PRKAG2: variants seen among roughly 807,000 people sequenced by gnomAD.
The protein encoded by PRKAG2 is protein kinase AMP-activated non-catalytic subunit gamma 2.
A neutral mutation model predicts 69.6 loss-of-function variants in PRKAG2; 26 were observed. The observed-to-expected ratio is 0.37, with a 90% CI of 0.27 to 0.52. The LOEUF is 0.52. Ranked by LOEUF, PRKAG2 falls within the 20% of genes least tolerant of loss-of-function variation. PRKAG2 has a pLI of 0.90. For missense variants in PRKAG2, 557 were observed against 740.0 expected (o/e 0.75, Z 2.87); for synonymous variants, 293 against 285.0 (o/e 1.03, Z -0.28).
intron 3 of PRKAG2, among the ~76,000 whole-genome samples, chr7:151,715,892 C>T (rs11980120): frequency 0.032 from 4,930 of 152,210 alleles, 176 homozygotes; most frequent in African/African-American, 0.091. Context: ...GCTCACAGGG[C>T]GGCGGTCCCA....
chr7:151,701,598 C>T (rs1837693546), intron 3 of PRKAG2, among the ~76,000 whole-genome samples: 1 of 152,104 alleles, frequency 6.6e-6, no homozygotes, highest in Admixed American at 6.5e-5. Context: ...AATCCCAGCA[C>T]TTTGGGAGGC....
At chr7:151,682,219 A>G (rs1833984506) in intron 3 of PRKAG2, among the ~76,000 whole-genome samples, 1 of 152,170 alleles carries the variant, frequency 6.6e-6, no homozygotes, top group Non-Finnish European at 1.5e-5. Flanking sequence ...AATAAAAGGG[A>G]AAATGGGCAA....
At chr7:151,865,265 T>C (rs2151909397) in intron 1 of PRKAG2, among the ~76,000 whole-genome samples, 1 of 152,332 alleles carries the variant, frequency 6.6e-6, no homozygotes, top group South Asian at 2.1e-4. Flanking sequence ...GCGGCTCGGC[T>C]GGCATGGAGC....
At position 151,841,461 on chromosome 7, in the gene PRKAG2, AGTAGTGATGGTAGGTAATGATGATG is replaced by A. The variant is rs1207419473; in HGVS notation, c.114+35021_114+35045del. ...GATAGTAGGTAGGGATGGTAGTGAT[AGTAGTGATGGTAGGTAATGATGATG>A]GTAGTGATGGTAGGTTGGGATGGTA... is the stretch of plus-strand genomic sequence containing the variant. On this transcript the variant is annotated intron_variant, in intron 1 of 15. Coordinates refer to ENST00000287878, the MANE Select transcript of PRKAG2 (RefSeq NM_016203.4). Among the ~76,000 whole-genome samples, 168 of 132,280 alleles carry A rather than the reference AGTAGTGATGGTAGGTAATGATGATG, an allele frequency of 1.3e-3. 5 individuals carry two copies. The South Asian group carries it at 0.034, about 27-fold the overall frequency. The allele number at this position is 132,280 out of a possible 152,430, so 86.8% of individuals were successfully genotyped here.
chr7:151,875,701 G>C (rs988825322), intron 1 of PRKAG2, among the ~76,000 whole-genome samples: 11 of 151,680 alleles, frequency 7.3e-5, no homozygotes, highest in African/African-American at 2.7e-4. Context: ...ACGTGGAGGC[G>C]AGGAACAGTG....
chr7:151,764,415 C>G (rs899110592), intron 3 of PRKAG2, among the ~76,000 whole-genome samples: 1 of 152,144 alleles, frequency 6.6e-6, no homozygotes, highest in African/African-American at 2.4e-5. Flanking sequence ...GCTATTTGTC[C>G]TTTAAGCTAA....
At chr7:151,701,484 C>G (rs762569741) in intron 3 of PRKAG2, among the ~76,000 whole-genome samples, 2 of 152,110 alleles carry the variant, frequency 1.3e-5, no homozygotes, top group Non-Finnish European at 2.9e-5. Context: ...GAGGAGGAAA[C>G]GTGGACACAG....
intron 1 of PRKAG2, among the ~76,000 whole-genome samples, chr7:151,820,811 C>T (rs944687982): frequency 6.6e-6 from 1 of 152,260 alleles, no homozygotes; most frequent in African/African-American, 2.4e-5. Flanking sequence ...CTTTCCTCTT[C>T]CATTTTTTAA....
chr7:151,870,937 C>T (rs1298581497), intron 1 of PRKAG2, among the ~76,000 whole-genome samples: 2 of 152,322 alleles, frequency 1.3e-5, no homozygotes, highest in South Asian at 4.1e-4. Flanking sequence ...AGCACCTCTC[C>T]CCAGAGGGCC....
intron 3 of PRKAG2, among the ~76,000 whole-genome samples, chr7:151,695,573 C>T (rs1430417469): frequency 6.6e-6 from 1 of 152,180 alleles, no homozygotes; most frequent in African/African-American, 2.4e-5. Flanking sequence ...CATCCCTGCC[C>T]TCTTTCAACT....
chr7:151,664,076 C>T (rs1235640602), intron 4 of PRKAG2, among the ~76,000 whole-genome samples: 1 of 152,194 alleles, frequency 6.6e-6, no homozygotes, highest in African/African-American at 2.4e-5. Context: ...AGACTTGACC[C>T]ATGAGACACC....
chr7:151,872,427 C>T (rs2080239529), intron 1 of PRKAG2, among the ~76,000 whole-genome samples: 1 of 152,188 alleles, frequency 6.6e-6, no homozygotes, highest in Non-Finnish European at 1.5e-5. Flanking sequence ...AGTTCAGGTC[C>T]CCCCAGAAAA....
Position 151,836,145 on chromosome 7 carries a change from C to T in PRKAG2, c.114+40362G>A, listed in dbSNP as rs780837562. Among the ~76,000 whole-genome samples the T allele has an allele frequency of 2.6e-5, 4 of 152,218 alleles. No homozygotes were observed. In the South Asian group the frequency reaches 6.2e-4, roughly 24 times the overall value. On this transcript the variant is annotated intron_variant, in intron 1 of 15. Coordinates refer to ENST00000287878, the MANE Select transcript of PRKAG2 (RefSeq NM_016203.4). The surrounding 1 kb of genome is among the most constrained non-coding windows in gnomAD (Gnocchi z 4.1). Reference sequence around the variant, plus strand: ...CTTCCCATATCCTGAGTTTTGTCTTCGGCCGTGTCTTTGGAGCATTCCTTC... The same window carrying T: ...CTTCCCATATCCTGAGTTTTGTCTTTGGCCGTGTCTTTGGAGCATTCCTTC...
intron 3 of PRKAG2, among the ~76,000 whole-genome samples, chr7:151,676,139 G>T (rs779615839): frequency 2.0e-5 from 3 of 151,752 alleles, no homozygotes; most frequent in Non-Finnish European, 4.4e-5. Flanking sequence ...AAGAGCAAAC[G>T]CAGTGGTGCC....
At chr7:151,712,302 T>C (rs7798168) in intron 3 of PRKAG2, among the ~76,000 whole-genome samples, 5,783 of 152,190 alleles carry the variant, frequency 0.038, 380 homozygotes, top group African/African-American at 0.13. Flanking sequence ...GGAAGGGGCC[T>C]GGCACCCAAA....
intron 3 of PRKAG2, among the ~76,000 whole-genome samples, chr7:151,703,963 G>A (rs1201765736): frequency 6.6e-6 from 1 of 151,242 alleles, no homozygotes; most frequent in Admixed American, 6.6e-5. Flanking sequence ...TCAGGCGGCT[G>A]AGGCAGGAGA....
intron 3 of PRKAG2, among the ~76,000 whole-genome samples, chr7:151,768,878 C>T (rs569474061): frequency 6.6e-6 from 1 of 152,238 alleles, no homozygotes; most frequent in African/African-American, 2.4e-5. Flanking sequence ...TAGCCTTGCT[C>T]TTTCTTCCCA....
intron 3 of PRKAG2, among the ~76,000 whole-genome samples, chr7:151,688,206 G>A (rs1237385296): frequency 6.6e-6 from 1 of 152,170 alleles, no homozygotes; most frequent in Admixed American, 6.5e-5. Flanking sequence ...GGCCCTGGCG[G>A]CAGGATGGGG....
At position 151,816,657 on chromosome 7, in the gene PRKAG2, C is replaced by T. The variant is rs536473414; in HGVS notation, c.115-30116G>A. ...TTAGCAGAAAGCTGGCGCCATTTGGCGAAGATCGAAGGGCCAAACCTCCTG... is the reference window on the plus strand; with the variant it reads ...TTAGCAGAAAGCTGGCGCCATTTGGTGAAGATCGAAGGGCCAAACCTCCTG... On this transcript the variant is annotated intron_variant, in intron 1 of 15. Transcript: ENST00000287878. Among the ~76,000 whole-genome samples, 11 of 152,326 alleles carry T rather than the reference C, an allele frequency of 7.2e-5. No individual in the cohort carries two copies. The South Asian group carries it at 8.3e-4, about 11-fold the overall frequency.
Sources: gnomAD v4.1 joint callset for allele counts (sites outside exome capture counted in the v4.1 genomes callset) on GRCh38, gnomAD v4.1.1 for gene constraint, Gnocchi (gnomAD v3.1) non-coding constraint, MANE v1.5 for transcripts, NCBI Gene and HGNC (gene_info 2026-07-23, HGNC 2026-07-21) for gene names.